PLEKHA5: variants seen among roughly 807,000 people sequenced by gnomAD.
PLEKHA5 encodes the protein pleckstrin homology domain-containing family A member 5.
In PLEKHA5, 55 loss-of-function variants were observed where a neutral mutation model predicts 181.9. The ratio of observed to expected loss-of-function variants is 0.30; its 90% CI spans 0.24 to 0.38. The LOEUF (loss-of-function observed/expected upper bound fraction) is 0.38. Among genes scored for constraint, PLEKHA5 ranks in the 10% least tolerant of loss-of-function variants. PLEKHA5 has a pLI of 1.00. For synonymous variants in PLEKHA5, 535 were observed against 529.4 expected, an observed-to-expected ratio of 1.01 and a Z score of -0.15; for missense variants, 1,432 against 1,549.5, an observed-to-expected ratio of 0.92 and a Z score of 1.27.
intron 25 of PLEKHA5, among the ~76,000 whole-genome samples, chr12:19,351,578 T>C (rs561857958): frequency 2.6e-5 from 4 of 152,136 alleles, no homozygotes; most frequent in African/African-American, 9.6e-5. Flanking sequence ...ATAAAAGAAA[T>C]TGTTGAGACT....
intron 3 of PLEKHA5, among the ~76,000 whole-genome samples, chr12:19,197,676 C>CTG (rs3056412): frequency 0.047 from 5,256 of 110,946 alleles, 190 homozygotes; most frequent in Non-Finnish European, 0.056. Context: ...CTATCCGGTG[C>CTG]TGTGTGTGTG....
At chr12:19,296,645 T>C (rs1184922433) in intron 15 of PLEKHA5, among the ~76,000 whole-genome samples, 1 of 152,134 alleles carries the variant, frequency 6.6e-6, no homozygotes, top group African/African-American at 2.4e-5. Flanking sequence ...GGACTTGAAG[T>C]TTCTCAGTCT....
chr12:19,234,755 C>T (rs2061156974), intron 3 of PLEKHA5, among the ~76,000 whole-genome samples: 2 of 152,234 alleles, frequency 1.3e-5, no homozygotes, highest in South Asian at 4.1e-4. Context: ...AATTCCTTCT[C>T]AGTAAGTTTT....
At chr12:19,244,468 G>C (rs917795490) in intron 3 of PLEKHA5, among the ~76,000 whole-genome samples, 5 of 152,160 alleles carry the variant, frequency 3.3e-5, no homozygotes, top group African/African-American at 1.2e-4. Flanking sequence ...TAACATTATT[G>C]TGGATGTGTG....
chr12:19,328,479 A>G (rs1274398105), intron 20 of PLEKHA5, among the ~76,000 whole-genome samples: 1 of 151,778 alleles, frequency 6.6e-6, no homozygotes, highest in Non-Finnish European at 1.5e-5. Flanking sequence ...GGTTTGTGTC[A>G]TCTATGATTT....
intron 24 of PLEKHA5, 147 bp downstream of exon 24, chr12:19,347,329 T>C (rs574643821): frequency 5.7e-4 from 223 of 394,018 alleles, no homozygotes; most frequent in Non-Finnish European, 9.3e-4. Context: ...TATATGACTT[T>C]ATCATTTGTG....
chr12:19,368,394 T>TCAG (rs1276116719), intron 30 of PLEKHA5, among the ~76,000 whole-genome samples: 1 of 152,152 alleles, frequency 6.6e-6, no homozygotes, highest in East Asian at 1.9e-4. Context: ...CTCAGGAGGC[T>TCAG]GAGGTAGGAG....
chr12:19,369,192 G>C (rs904389553), intron 30 of PLEKHA5, among the ~76,000 whole-genome samples: 3 of 151,756 alleles, frequency 2.0e-5, no homozygotes, highest in African/African-American at 7.3e-5. Flanking sequence ...GAGCTACCAT[G>C]TCTGACTAAT....
chr12:19,275,230 T>C (rs1033477138), intron 11 of PLEKHA5, among the ~76,000 whole-genome samples: 1 of 152,106 alleles, frequency 6.6e-6, no homozygotes, highest in African/African-American at 2.4e-5. Context: ...AAGGCTTGGG[T>C]TACAGGCAGA....
At chr12:19,228,070 C>T (rs537282429) in intron 3 of PLEKHA5, among the ~76,000 whole-genome samples, 4 of 152,316 alleles carry the variant, frequency 2.6e-5, no homozygotes, top group African/African-American at 9.6e-5. Context: ...CCCTGCATCA[C>T]AGTAAGTGAA....
At chr12:19,256,080 G>A (rs571359600) in intron 5 of PLEKHA5, among the ~76,000 whole-genome samples, 10 of 151,964 alleles carry the variant, frequency 6.6e-5, no homozygotes, top group African/African-American at 2.2e-4. Context: ...AATAAGAAAA[G>A]GGCTTATGAG....
rs754253272 is a variant in PLEKHA5, at chr12:19,343,323, A to G, written c.2551A>G (p.Thr851Ala). 61 of 1,603,600 alleles carry G rather than the reference A, an allele frequency of 3.8e-5. No individual in the cohort carries two copies. The highest frequency in any genetic ancestry group is 5.2e-5 in the Non-Finnish European group (61 of 1,171,054). The change falls in exon 22 of 32, where the codon ACG becomes GCG. Residue 851 changes from threonine to alanine, a missense_variant and splice_region_variant. This residue lies in a region of PLEKHA5 where 1,143 missense variants were observed against 1,168.4 expected (regional missense o/e 0.98). Coordinates refer to ENST00000429027, the MANE Select transcript of PLEKHA5 (RefSeq NM_001256470.2). ...ATGGTCTATCCATTTTTACTGATAGACGGAATCAGCAGGAATTCAGCGTGC... is the reference window on the plus strand; with the variant it reads ...ATGGTCTATCCATTTTTACTGATAGGCGGAATCAGCAGGAATTCAGCGTGC... The part of the protein sequence containing the change: ...EQLDHLGEVQ[T>A]ESAGIQRAQI...
In PLEKHA5 at chr12:19,336,590, C is replaced by A; in HGVS notation, c.2524C>A (p.Gln842Lys). The change falls in exon 21 of 32, where the codon CAG becomes AAG. Residue 842 changes from glutamine (Q) to lysine (K), a missense_variant. Physicochemically the swap from Gln to Lys is moderately conservative, Grantham distance 53. Around this residue, in one of 2 missense-constraint regions of PLEKHA5, gnomAD observed 1,143 missense variants for 1,168.4 expected, o/e 0.98. Transcript: ENST00000429027. ...VTVTRNQMQE[Q>K]LDHLGEVQTE... is the part of the protein sequence containing the mutation. ...TGTTACCAGGAACCAGATGCAAGAG[C>A]AGCTGGATCACCTTGGTGAAGTTCA... 1 of 1,597,010 alleles carries A rather than the reference C, an allele frequency of 6.3e-7. No homozygotes were observed. Among genetic ancestry groups the A allele is most frequent in the Non-Finnish European group, 8.6e-7 (1 of 1,165,470 alleles).
chr12:19,346,821 A>T (rs2094356220), intron 23 of PLEKHA5, among the ~76,000 whole-genome samples, 173 bp from the exon 24 acceptor site: 1 of 152,184 alleles, frequency 6.6e-6, no homozygotes, highest in Admixed American at 6.6e-5. Context: ...AATTCCAATT[A>T]TTGGCTATGA....
At chr12:19,197,690 G>T (rs915179789) in intron 3 of PLEKHA5, among the ~76,000 whole-genome samples, 1 of 123,858 alleles carries the variant, frequency 8.1e-6, no homozygotes. Context: ...GTGTGTGTGT[G>T]TGTGTGTGTG....
chr12:19,272,964 T>C (rs1309062726), intron 10 of PLEKHA5, among the ~76,000 whole-genome samples: 2 of 152,198 alleles, frequency 1.3e-5, no homozygotes, highest in Non-Finnish European at 2.9e-5. Flanking sequence ...TGGAGTGCAG[T>C]GGCACGATCT....
At chr12:19,310,725 C>T (rs900837972) in intron 15 of PLEKHA5, among the ~76,000 whole-genome samples, 2 of 152,144 alleles carry the variant, frequency 1.3e-5, no homozygotes, top group African/African-American at 4.8e-5. Context: ...CAAGACCAGC[C>T]TGGGAAACAT....
rs139578587 is a variant in PLEKHA5 at position 19,311,924 on chromosome 12, G to A, written c.2038-2890G>A. Among the ~76,000 whole-genome samples the A allele has an allele frequency of 6.6e-3, 1,002 of 152,252 alleles. 9 individuals carry two copies. Among genetic ancestry groups the A allele is most frequent in the African/African-American group, 0.023 (948 of 41,544 alleles). On this transcript the variant is annotated intron_variant, in intron 15 of 31. Coordinates refer to ENST00000429027, the MANE Select transcript of PLEKHA5 (RefSeq NM_001256470.2). ...AGAATCACTATCTGTAGCAGCTAGA[G>A]CCTTATGAAATGCATTTCCTAAATA...
rs753042545 is a variant in PLEKHA5 at position 19,320,577 on chromosome 12, G to A, written c.2170G>A (p.Gly724Ser). 6.6e-7 allele frequency: 1 copy of A among 1,511,954 alleles called. No homozygotes were observed. Among genetic ancestry groups the A allele is most frequent in the Non-Finnish European group, 9.1e-7 (1 of 1,096,296 alleles). 93.7% of individuals were successfully genotyped at this position (1,511,954 alleles called of 1,614,324 possible). A position where few individuals can be genotyped will look rare whatever the true frequency, so the allele number is the denominator to read the frequency against. ...TTTCTTATAGCTGTCACAAGATGAAGGTAGAGGCACATTATACAAATACAG... is the reference window on the plus strand; with the variant it reads ...TTTCTTATAGCTGTCACAAGATGAAAGTAGAGGCACATTATACAAATACAG... ...ISLYCLSQDE[G>S]RGTLYKYRPE... Residue 724 changes from glycine (G) to serine (S), a missense_variant, in exon 18 of 32, where the codon GGT becomes AGT. Physicochemically the swap from Gly to Ser is moderately conservative, Grantham distance 56 (BLOSUM62 0). Around this residue, in one of 2 missense-constraint regions of PLEKHA5, gnomAD observed 1,143 missense variants for 1,168.4 expected, o/e 0.98. Transcript: ENST00000429027.
Sources: allele counts gnomAD v4.1 joint callset (sites outside exome capture counted in the v4.1 genomes callset), GRCh38; gene constraint gnomAD v4.1.1; regional missense constraint gnomAD v4.1.1; transcripts MANE v1.5; gene names NCBI Gene and HGNC (gene_info 2026-07-23, HGNC 2026-07-21).